The following SCGB2B2 variants were observed in gnomAD, a reference collection of about 807,000 sequenced individuals.
SCGB2B2 encodes the protein secretoglobin-like protein.
A neutral mutation model predicts 7.6 loss-of-function variants in SCGB2B2; 11 were observed. The observed-to-expected ratio is 1.45, with a 90% CI of 0.91 to 2.40. SCGB2B2 has a LOEUF of 2.40. SCGB2B2 is among the 30% of genes most tolerant of loss of function. The pLI is 0.00. For missense variants in SCGB2B2, 104 were observed against 115.4 expected, an observed-to-expected ratio of 0.90 and a Z score of 0.45; for synonymous variants, 50 against 48.6, an observed-to-expected ratio of 1.03 and a Z score of -0.12.
intron 1 of SCGB2B2, among the ~76,000 whole-genome samples, chr19:34,668,185 G>C (rs894930463): frequency 1.3e-5 from 2 of 152,216 alleles, no homozygotes; most frequent in African/African-American, 4.8e-5. Context: ...CTTGCAGGGA[G>C]GTCTGGAGGG....
At chr19:34,673,941 A>G (rs1191040556) in intron 1 of SCGB2B2, among the ~76,000 whole-genome samples, 1 of 152,192 alleles carries the variant, frequency 6.6e-6, no homozygotes. Flanking sequence ...GGCATTCACA[A>G]GTTAGGGGTT....
In SCGB2B2 at chr19:34,592,021, CCT is replaced by C. The variant is rs1460664903; in HGVS notation, c.*1532_*1533del. On this transcript the variant is annotated 3_prime_UTR_variant, in exon 4 of 4. Transcript: ENST00000601241. The stretch of plus-strand genomic sequence containing the variant: ...GATGTGTGGCAGGGGACACTTCTTC[CCT>C]GGCTGAGTGGATGGGTGATGACTGG... 6.6e-6 allele frequency among the ~76,000 whole-genome samples: 1 copy of C among 152,156 alleles called. No homozygotes were observed. The highest frequency in any genetic ancestry group is 1.5e-5 in the Non-Finnish European group (1 of 68,042).
chr19:34,635,904 G>C (rs2066662214), intron 1 of SCGB2B2, among the ~76,000 whole-genome samples: 1 of 152,206 alleles, frequency 6.6e-6, no homozygotes, highest in Non-Finnish European at 1.5e-5. Flanking sequence ...TGGTGCTAGG[G>C]GGTGTCTGTA....
intron 1 of SCGB2B2, among the ~76,000 whole-genome samples, chr19:34,613,259 C>A (rs1363880435): frequency 6.6e-6 from 1 of 152,040 alleles, no homozygotes; most frequent in African/African-American, 2.4e-5. Context: ...CCACCATGCC[C>A]AGCTAATTTT....
At chr19:34,586,958 A>C (rs2065199948), downstream of SCGB2B2, among the ~76,000 whole-genome samples, 1 of 152,146 alleles carries the variant, frequency 6.6e-6, no homozygotes, top group African/African-American at 2.4e-5. Context: ...CCCAGCCTGG[A>C]GTGCAATGAC....
intron 1 of SCGB2B2, among the ~76,000 whole-genome samples, chr19:34,660,963 T>G (rs2067436733): frequency 6.6e-6 from 1 of 152,200 alleles, no homozygotes; most frequent in Admixed American, 6.5e-5. Context: ...GATGAGTGCA[T>G]GTCCTTTGCA....
At chr19:34,619,270 G>GT (rs2066174770) in intron 1 of SCGB2B2, among the ~76,000 whole-genome samples, 1 of 152,088 alleles carries the variant, frequency 6.6e-6, no homozygotes, top group Non-Finnish European at 1.5e-5. Flanking sequence ...GGAGAGTGGG[G>GT]GCTTTAAAAC....
intron 1 of SCGB2B2, among the ~76,000 whole-genome samples, chr19:34,604,350 C>T (rs1461618338): frequency 6.6e-6 from 1 of 152,144 alleles, no homozygotes; most frequent in Non-Finnish European, 1.5e-5. Context: ...TTACCTTTTC[C>T]TTAGTAAGTG....
At chr19:34,598,899 G>A (rs2065537584) in intron 1 of SCGB2B2, among the ~76,000 whole-genome samples, 1 of 152,224 alleles carries the variant, frequency 6.6e-6, no homozygotes, top group African/African-American at 2.4e-5. Context: ...TCTTGCCCAC[G>A]TGGCCACATT....
chr19:34,600,066 G>A (rs1441822785), intron 1 of SCGB2B2, among the ~76,000 whole-genome samples: 1 of 152,032 alleles, frequency 6.6e-6, no homozygotes, highest in African/African-American at 2.4e-5. Context: ...TTGTTTTAGG[G>A]TACATGTACA....
chr19:34,601,929 T>A (rs1235582850), intron 1 of SCGB2B2, among the ~76,000 whole-genome samples: 1 of 152,120 alleles, frequency 6.6e-6, no homozygotes, highest in East Asian at 1.9e-4. Context: ...AGCTTTTTAT[T>A]TTATAATAAT....
In SCGB2B2 at chr19:34,593,531, A is replaced by G. The variant is rs2065353274; in HGVS notation, c.*24T>C. ...CCCCAAGGAAGGCAGGAGGGCCAAT[A>G]TCTGATCTGCAGGGGTCCTCAGATC... On this transcript the variant is annotated 3_prime_UTR_variant, in exon 4 of 4. Transcript: ENST00000601241. The G allele has an allele frequency of 6.5e-7, 1 of 1,539,350 alleles. No homozygotes were observed. Among genetic ancestry groups the G allele is most frequent in the Non-Finnish European group, 8.8e-7 (1 of 1,136,782 alleles).
intron 1 of SCGB2B2, among the ~76,000 whole-genome samples, chr19:34,617,933 G>T (rs1329982669): frequency 1.3e-5 from 2 of 152,254 alleles, no homozygotes; most frequent in Non-Finnish European, 2.9e-5. Context: ...GACTAGGAAA[G>T]GGAACTCCCT....
chr19:34,598,714 C>T (rs1198625072), intron 1 of SCGB2B2, among the ~76,000 whole-genome samples: 1 of 152,100 alleles, frequency 6.6e-6, no homozygotes, highest in South Asian at 2.1e-4. Context: ...GGAATCACTT[C>T]CTTGTGACAG....
At chr19:34,661,533 A>G (rs567409100) in intron 1 of SCGB2B2, among the ~76,000 whole-genome samples, 2 of 152,378 alleles carry the variant, frequency 1.3e-5, no homozygotes, top group East Asian at 3.9e-4. Flanking sequence ...TCCCTCTGCC[A>G]GAGTCAAGAA....
chr19:34,663,809 CAAG>C (rs2067531858), intron 1 of SCGB2B2, among the ~76,000 whole-genome samples: 2 of 151,644 alleles, frequency 1.3e-5, no homozygotes, highest in South Asian at 4.2e-4. Context: ...GAAAAAGAGA[CAAG>C]AAGATGGAGA....
At chr19:34,661,891 A>T (rs1436253918) in intron 1 of SCGB2B2, among the ~76,000 whole-genome samples, 1 of 151,142 alleles carries the variant, frequency 6.6e-6, no homozygotes, top group Non-Finnish European at 1.5e-5. Flanking sequence ...ATTTAATTTA[A>T]TTTTTTTGAG....
chr19:34,609,657 T>C (rs1188408765), intron 1 of SCGB2B2, among the ~76,000 whole-genome samples: 3 of 152,182 alleles, frequency 2.0e-5, no homozygotes, highest in Non-Finnish European at 4.4e-5. Context: ...CTGTGTTGTC[T>C]ATTTAGTTCC....
intron 1 of SCGB2B2, among the ~76,000 whole-genome samples, chr19:34,608,182 A>T (rs2065831949): frequency 6.6e-6 from 1 of 152,076 alleles, no homozygotes; most frequent in African/African-American, 2.4e-5. Context: ...CTCTTTGGCT[A>T]AGTTTATTTT....
Sources: allele counts gnomAD v4.1 joint callset (sites outside exome capture counted in the v4.1 genomes callset), GRCh38; gene constraint gnomAD v4.1.1; transcripts MANE v1.5; gene names NCBI Gene and HGNC (gene_info 2026-07-23, HGNC 2026-07-21).